SGCZ: variants seen among roughly 807,000 people sequenced by gnomAD.
SGCZ encodes the protein zeta-sarcoglycan.
SGCZ carries 40 observed loss-of-function variants against 41.3 expected under a neutral mutation model. The observed-to-expected ratio is 0.97, with a 90% confidence interval of 0.75 to 1.26. The LOEUF is 1.26. SGCZ is among the 50% of genes most tolerant of loss of function. SGCZ has a pLI of 0.00. For synonymous variants in SGCZ, 206 were observed against 137.5 expected (o/e 1.50, Z -3.49); for missense variants, 552 against 369.8 (o/e 1.49, Z -4.04).
At chr8:15,057,632 A>T (rs1205958929) in intron 1 of SGCZ, among the ~76,000 whole-genome samples, 1 of 152,202 alleles carries the variant, frequency 6.6e-6, no homozygotes, top group Non-Finnish European at 1.5e-5. Flanking sequence ...TAAAATGAAG[A>T]CTAAAAGAAG....
At chr8:14,151,947 T>C (rs1472745946) in intron 5 of SGCZ, among the ~76,000 whole-genome samples, 1 of 150,520 alleles carries the variant, frequency 6.6e-6, no homozygotes, top group Non-Finnish European at 1.5e-5. Flanking sequence ...CAAAAATATA[T>C]CATAGACTTT....
At chr8:15,110,525 A>T (rs1807007283) in intron 1 of SGCZ, among the ~76,000 whole-genome samples, 1 of 152,208 alleles carries the variant, frequency 6.6e-6, no homozygotes, top group African/African-American at 2.4e-5. Flanking sequence ...TCCAGCCCAC[A>T]GGGCAAAGGG....
intron 1 of SGCZ, among the ~76,000 whole-genome samples, chr8:14,649,124 G>A (rs929247015): frequency 6.6e-6 from 1 of 152,078 alleles, no homozygotes; most frequent in Non-Finnish European, 1.5e-5. Flanking sequence ...GAACATCACT[G>A]GATATTTCCA....
intron 1 of SGCZ, among the ~76,000 whole-genome samples, chr8:14,608,989 T>G (rs1463257585): frequency 6.6e-6 from 1 of 152,214 alleles, no homozygotes; most frequent in Non-Finnish European, 1.5e-5. Context: ...AATTCTACCT[T>G]TAAAATTTAT....
At chr8:15,195,206 C>T (rs117620392) in intron 1 of SGCZ, among the ~76,000 whole-genome samples, 1 of 152,136 alleles carries the variant, frequency 6.6e-6, no homozygotes, top group Non-Finnish European at 1.5e-5. Context: ...GAATCATTTT[C>T]CGGGTACCCT....
At chr8:14,329,096 A>G (rs1585370344) in intron 2 of SGCZ, among the ~76,000 whole-genome samples, 2 of 152,110 alleles carry the variant, frequency 1.3e-5, no homozygotes, top group East Asian at 3.9e-4. Context: ...AGTCTCCAGT[A>G]TTTTGTTATA....
chr8:15,048,231 A>T (rs1276703196), intron 1 of SGCZ, among the ~76,000 whole-genome samples: 5 of 152,086 alleles, frequency 3.3e-5, no homozygotes, highest in African/African-American at 1.2e-4. Context: ...CCAGGCACAG[A>T]AAGAAAAATA....
At chr8:14,284,309 C>CT (rs1800546745) in intron 3 of SGCZ, among the ~76,000 whole-genome samples, 2 of 152,176 alleles carry the variant, frequency 1.3e-5, no homozygotes, top group South Asian at 4.1e-4. Context: ...GGGAGGATGG[C>CT]TTGAGTCCAG....
intron 3 of SGCZ, among the ~76,000 whole-genome samples, chr8:14,282,355 TC>T (rs199968606): frequency 1.9e-4 from 1 of 5,364 alleles, no homozygotes; most frequent in Non-Finnish European, 3.7e-3. Flanking sequence ...TCCCTTTCTT[TC>T]AAAAAAAAAA....
chr8:14,522,467 G>C (rs887891348), intron 2 of SGCZ, among the ~76,000 whole-genome samples: 8 of 151,868 alleles, frequency 5.3e-5, no homozygotes, highest in African/African-American at 1.9e-4. Context: ...ATGATAGTTT[G>C]AGTTTTTAAA....
At chr8:14,620,567 T>A (rs1475676914) in intron 1 of SGCZ, among the ~76,000 whole-genome samples, 1 of 144,990 alleles carries the variant, frequency 6.9e-6, no homozygotes. Flanking sequence ...ATCCAGAATC[T>A]ACGAAGAACT....
chr8:14,823,769 C>G (rs993221262), intron 1 of SGCZ, among the ~76,000 whole-genome samples: 2 of 152,072 alleles, frequency 1.3e-5, no homozygotes, highest in African/African-American at 4.8e-5. Flanking sequence ...GAAGAGATAC[C>G]TGGAGTTACA....
intron 1 of SGCZ, among the ~76,000 whole-genome samples, chr8:14,647,179 A>G (rs955925495): frequency 6.6e-6 from 1 of 152,040 alleles, no homozygotes; most frequent in African/African-American, 2.4e-5. Context: ...TAGTACAGAT[A>G]CAACTAATGA....
chr8:14,988,872 C>T (rs1280507895), intron 1 of SGCZ, among the ~76,000 whole-genome samples: 1 of 152,176 alleles, frequency 6.6e-6, no homozygotes, highest in East Asian at 1.9e-4. Flanking sequence ...AGTTGCCCCA[C>T]TGGCCCTCTA....
intron 1 of SGCZ, among the ~76,000 whole-genome samples, chr8:14,884,728 T>C (rs1163519638): frequency 6.6e-6 from 1 of 152,188 alleles, no homozygotes; most frequent in Non-Finnish European, 1.5e-5. Context: ...ATAAGTCATC[T>C]ATTTTTAGTA....
chr8:14,586,132 G>C (rs777465554), intron 1 of SGCZ, among the ~76,000 whole-genome samples: 35 of 152,070 alleles, frequency 2.3e-4, no homozygotes, highest in Non-Finnish European at 1.3e-4. Flanking sequence ...CATAATCATC[G>C]TTGTCTTAGA....
At chr8:14,565,592 A>G (rs1804334369) in intron 1 of SGCZ, among the ~76,000 whole-genome samples, 1 of 152,124 alleles carries the variant, frequency 6.6e-6, no homozygotes, top group East Asian at 1.9e-4. Context: ...GGAAGAAGGA[A>G]AAATCTTTAA....
Position 14,615,405 on chromosome 8 carries a change from C to G in SGCZ, c.40-60479G>C, listed in dbSNP as rs369900085. On this transcript the variant is annotated intron_variant, in intron 1 of 7. Transcript: ENST00000382080. Reference sequence around the variant, plus strand: ...GTATCTGGCCCATAAAAGCTCACTGCTCTCACTGCTGGGTGGAGCTCTCTG... The same window carrying G: ...GTATCTGGCCCATAAAAGCTCACTGGTCTCACTGCTGGGTGGAGCTCTCTG... Among the ~76,000 whole-genome samples, 90 of 152,334 alleles carry G rather than the reference C, an allele frequency of 5.9e-4. 2 individuals are homozygous for G. The South Asian group carries it at 0.019, about 32-fold the overall frequency.
chr8:14,129,755 ATAATAGT>A (rs1284665624), intron 5 of SGCZ, among the ~76,000 whole-genome samples: 1 of 134,308 alleles, frequency 7.4e-6, no homozygotes, highest in Non-Finnish European at 1.6e-5. Context: ...AAATAATATA[ATAATAGT>A]TAGGAATAAA....
Sources: gnomAD v4.1 joint callset for allele counts (sites outside exome capture counted in the v4.1 genomes callset) on GRCh38, gnomAD v4.1.1 for gene constraint, MANE v1.5 for transcripts, NCBI Gene and HGNC (gene_info 2026-07-23, HGNC 2026-07-21) for gene names.